Variants in AGBL4 observed in about 807,000 individuals in gnomAD.
AGBL4 encodes the protein AGBL carboxypeptidase 4, also known as cytosolic carboxypeptidase 6.
In AGBL4, 58 loss-of-function variants were observed where a neutral mutation model predicts 66.4. The ratio of observed to expected loss-of-function variants is 0.87; its 90% CI spans 0.71 to 1.09. AGBL4 has a LOEUF of 1.09. Among genes scored for constraint, AGBL4 ranks in the 50% least tolerant of loss-of-function variants. AGBL4 has a pLI of 0.00. For missense variants in AGBL4, 579 were observed against 631.0 expected (o/e 0.92, Z 0.88); for synonymous variants, 234 against 222.9 (o/e 1.05, Z -0.44).
chr1:48,756,921 T>C (rs1643964811), intron 6 of AGBL4, among the ~76,000 whole-genome samples: 1 of 152,210 alleles, frequency 6.6e-6, no homozygotes, highest in Non-Finnish European at 1.5e-5. Context: ...CACTGGCCTG[T>C]GCAATGGCCT....
In AGBL4 at chr1:50,006,442, G is replaced by A. The variant is rs140064318; in HGVS notation, c.34+17321C>T. ...CTCAGAGAAAGATATCAATATTCAA[G>A]TACAAGAAGGTTATAGAAAACCAAG... On this transcript the variant is annotated intron_variant, in intron 1 of 13. Coordinates refer to ENST00000371839, the MANE Select transcript of AGBL4 (RefSeq NM_032785.4). 6.8e-3 allele frequency among the ~76,000 whole-genome samples: 1,030 copies of A among 151,648 alleles called. 8 individuals are homozygous for A. Among genetic ancestry groups the A allele is most frequent in the Non-Finnish European group, 0.01 (686 of 67,908 alleles).
chr1:48,543,499 G>A (rs1034413626), intron 11 of AGBL4, among the ~76,000 whole-genome samples: 9 of 152,194 alleles, frequency 5.9e-5, no homozygotes, highest in Admixed American at 3.9e-4. Flanking sequence ...TGAGAGGAGT[G>A]TTTGGTGGGA....
chr1:49,404,398 C>A (rs1309906698), intron 3 of AGBL4, among the ~76,000 whole-genome samples: 1 of 152,178 alleles, frequency 6.6e-6, no homozygotes, highest in African/African-American at 2.4e-5. Flanking sequence ...TGATCATGGA[C>A]TCCTAGCTTC....
At chr1:49,971,944 G>A (rs1658154855) in intron 1 of AGBL4, among the ~76,000 whole-genome samples, 1 of 9,938 alleles carries the variant, frequency 1.0e-4, no homozygotes. Context: ...CAGGGACGGA[G>A]TCTCGCTCTG....
At chr1:48,541,188 C>A (rs1004878982) in intron 11 of AGBL4, among the ~76,000 whole-genome samples, 1 of 152,184 alleles carries the variant, frequency 6.6e-6, no homozygotes, top group African/African-American at 2.4e-5. Context: ...TTCCAGGACC[C>A]ACTCCTTCTC....
At chr1:49,539,180 G>T (rs1338179286) in intron 3 of AGBL4, among the ~76,000 whole-genome samples, 1 of 152,076 alleles carries the variant, frequency 6.6e-6, no homozygotes, top group African/African-American at 2.4e-5. Flanking sequence ...AAAATATACA[G>T]TATAATGTCA....
At chr1:49,081,482 T>C (rs1182703984) in intron 4 of AGBL4, among the ~76,000 whole-genome samples, 2 of 152,250 alleles carry the variant, frequency 1.3e-5, no homozygotes, top group African/African-American at 2.4e-5. Context: ...GCTTGACACA[T>C]TGAAGATGCT....
chr1:48,923,447 G>A (rs1428107543), intron 5 of AGBL4, among the ~76,000 whole-genome samples: 2 of 152,244 alleles, frequency 1.3e-5, no homozygotes, highest in Non-Finnish European at 2.9e-5. Flanking sequence ...AAGCCTGGGA[G>A]TGATTCAGTG....
intron 5 of AGBL4, among the ~76,000 whole-genome samples, chr1:48,911,128 T>C (rs569286252): frequency 6.6e-6 from 1 of 152,330 alleles, no homozygotes; most frequent in African/African-American, 2.4e-5. Flanking sequence ...CTTCTGAAAA[T>C]TCTATTCTCC....
intron 3 of AGBL4, among the ~76,000 whole-genome samples, chr1:49,247,474 G>T (rs1651734436): frequency 6.6e-6 from 1 of 151,994 alleles, no homozygotes; most frequent in Non-Finnish European, 1.5e-5. Context: ...ACCTAGACTT[G>T]CCTTTTGTCA....
At chr1:49,817,245 A>C (rs766960951) in intron 2 of AGBL4, among the ~76,000 whole-genome samples, 3 of 152,194 alleles carry the variant, frequency 2.0e-5, no homozygotes, top group Non-Finnish European at 4.4e-5. Context: ...ACAGAAACTA[A>C]AAACCTTAAA....
intron 4 of AGBL4, among the ~76,000 whole-genome samples, chr1:49,049,262 G>A (rs1222746449): frequency 6.6e-6 from 1 of 152,044 alleles, no homozygotes; most frequent in East Asian, 1.9e-4. Context: ...GATAGATGAG[G>A]CATATAGTCA....
chr1:48,539,545 G>A, intron 12 of AGBL4, 97 bp downstream of exon 12: 1 of 906,822 alleles, frequency 1.1e-6, no homozygotes, highest in African/African-American at 1.7e-5. Context: ...CGGCACAGAT[G>A]GGATGCTGAG....
At chr1:49,514,087 T>C (rs1649529033) in intron 3 of AGBL4, among the ~76,000 whole-genome samples, 1 of 152,012 alleles carries the variant, frequency 6.6e-6, no homozygotes, top group Non-Finnish European at 1.5e-5. Context: ...GAGACTTTGC[T>C]GAAGTTGCTT....
chr1:48,695,297 A>G (rs1373450003), intron 6 of AGBL4, among the ~76,000 whole-genome samples: 1 of 152,142 alleles, frequency 6.6e-6, no homozygotes. Context: ...CTTCTAAACA[A>G]ATGGCACAGT....
chr1:49,223,648 T>G (rs1042500401), intron 4 of AGBL4, among the ~76,000 whole-genome samples: 1 of 152,214 alleles, frequency 6.6e-6, no homozygotes, highest in Non-Finnish European at 1.5e-5. Flanking sequence ...ATGCGACCCT[T>G]CTAAATGCAG....
chr1:48,977,038 T>C (rs1445231686), intron 5 of AGBL4, among the ~76,000 whole-genome samples: 1 of 152,068 alleles, frequency 6.6e-6, no homozygotes, highest in Non-Finnish European at 1.5e-5. Context: ...ACCAATACTG[T>C]CCCTAGTGTG....
At chr1:49,672,829 G>A (rs1646504730) in intron 3 of AGBL4, among the ~76,000 whole-genome samples, 1 of 146,194 alleles carries the variant, frequency 6.8e-6, no homozygotes, top group East Asian at 2.1e-4. Context: ...GCTGGGGCAT[G>A]AAAATCGCTT....
At chr1:49,069,090 C>T (rs995146223) in intron 4 of AGBL4, among the ~76,000 whole-genome samples, 8 of 151,946 alleles carry the variant, frequency 5.3e-5, no homozygotes, top group Non-Finnish European at 8.8e-5. Context: ...TTGTTTTTTT[C>T]TTGTAAATTT....
Sources: allele counts gnomAD v4.1 joint callset (sites outside exome capture counted in the v4.1 genomes callset), GRCh38; gene constraint gnomAD v4.1.1; transcripts MANE v1.5; gene names NCBI Gene and HGNC (gene_info 2026-07-23, HGNC 2026-07-21).